NDUFAF7: variants seen among roughly 807,000 people sequenced by gnomAD.
NDUFAF7 encodes the protein NADH:ubiquinone oxidoreductase complex assembly factor 7.
In NDUFAF7, 48 loss-of-function variants were observed where a neutral mutation model predicts 47.2. That is an observed-to-expected ratio of 1.02 (90% CI 0.81 to 1.29). The LOEUF (loss-of-function observed/expected upper bound fraction) is 1.29. Among genes scored for constraint, NDUFAF7 ranks in the 50% most tolerant of loss-of-function variants. The probability of loss-of-function intolerance (pLI) is 0.00; values close to 1 mark genes in which losing one functional copy is unlikely to be tolerated. For synonymous variants in NDUFAF7, 217 were observed against 190.0 expected, an observed-to-expected ratio of 1.14 and a Z score of -1.17; for missense variants, 635 against 537.6, an observed-to-expected ratio of 1.18 and a Z score of -1.79.
Position 37,232,254 on chromosome 2 carries a change from T to TA in NDUFAF7, c.206dup (p.Asn69LysfsTer11), listed in dbSNP as rs753131899. On this transcript the variant is annotated frameshift_variant, in exon 2 of 10. Coordinates refer to ENST00000002125, the MANE Select transcript of NDUFAF7 (RefSeq NM_144736.5). LOFTEE classifies it high-confidence loss of function. ...CCGAGTACATGAAGGAGGTGTTGAC[T>TA]AATCCAGCCAAGGTATGGGTCGGGT... 1 of 1,613,034 alleles carries TA rather than the reference T, an allele frequency of 6.2e-7. No individual in the cohort carries two copies. Among genetic ancestry groups the TA allele is most frequent in the African/African-American group, 1.3e-5 (1 of 75,008 alleles).
downstream of NDUFAF7, among the ~76,000 whole-genome samples, chr2:37,254,525 A>G (rs1048100193): frequency 3.3e-5 from 5 of 152,202 alleles, no homozygotes; most frequent in Non-Finnish European, 7.4e-5. Flanking sequence ...GTTAAAGTAT[A>G]TACTCTGGAA....
chr2:37,259,632 T>A, the NDUFAF7 span: 1 of 1,613,714 alleles, frequency 6.2e-7, no homozygotes, highest in South Asian at 1.1e-5. Flanking sequence ...TGGCTTTAAA[T>A]CACAGTGCAC....
chr2:37,270,351 G>GGA, the NDUFAF7 span, among the ~76,000 whole-genome samples: 1 of 140,842 alleles, frequency 7.1e-6, no homozygotes, highest in Admixed American at 7.0e-5. Context: ...TTGATTTTTG[G>GGA]AAAAAAAAAA....
At position 37,243,975 on chromosome 2, in the gene NDUFAF7, T is replaced by A; in HGVS notation, c.792+2T>A. 3 of 1,599,752 alleles carry A rather than the reference T, an allele frequency of 1.9e-6. No individual in the cohort carries two copies. In the South Asian group the frequency reaches 3.3e-5, roughly 18 times the overall value. Reference sequence around the variant, plus strand: ...ACCCCAGCAGAAGCCTTCATACAAGTAAGAATATGCTTTTTTAAGTTTCTT... The same window carrying A: ...ACCCCAGCAGAAGCCTTCATACAAGAAAGAATATGCTTTTTTAAGTTTCTT... On this transcript the variant is annotated splice_donor_variant, in intron 7 of 9. Coordinates refer to ENST00000002125, the MANE Select transcript of NDUFAF7 (RefSeq NM_144736.5). LOFTEE classifies it high-confidence loss of function.
At chr2:37,232,642 G>A (rs1284524798) in intron 2 of NDUFAF7, among the ~76,000 whole-genome samples, 1 of 152,146 alleles carries the variant, frequency 6.6e-6, no homozygotes, top group Non-Finnish European at 1.5e-5. Flanking sequence ...TGAAGTGTGT[G>A]GGACTCTTAG....
downstream of NDUFAF7, chr2:37,254,289 G>C: frequency 6.2e-7 from 1 of 1,611,364 alleles, no homozygotes; most frequent in Non-Finnish European, 8.5e-7. Context: ...CAGATCAATT[G>C]CTAAGGGAAA....
rs1467825129 is a variant in NDUFAF7 at position 37,231,705 on chromosome 2, C to T, written c.-1C>T. The T allele has an allele frequency of 1.9e-6, 3 of 1,614,128 alleles. No individual in the cohort carries two copies. Among genetic ancestry groups the T allele is most frequent in the Non-Finnish European group, 8.5e-7 (1 of 1,180,040 alleles). On this transcript the variant is annotated 5_prime_UTR_variant, in exon 1 of 10. Transcript: ENST00000002125. ...GAGCGAGCTAGCCTGCGAATTTCAG[C>T]ATGAGTGTACTGCTGAGGTCAGGTT... is the stretch of plus-strand genomic sequence containing the variant.
chr2:37,254,424 T>C (rs1225596440), downstream of NDUFAF7: 2 of 646,908 alleles, frequency 3.1e-6, no homozygotes, highest in African/African-American at 1.8e-5. Context: ...CGTGGACTTT[T>C]AGCTAACATG....
chr2:37,257,739 T>C (rs1668096149), downstream of NDUFAF7, among the ~76,000 whole-genome samples: 1 of 149,204 alleles, frequency 6.7e-6, no homozygotes, highest in Non-Finnish European at 1.5e-5. Flanking sequence ...AATCCTAGAA[T>C]CTCTTTTCCT....
intron 4 of NDUFAF7, among the ~76,000 whole-genome samples, chr2:37,239,406 C>A (rs1666129895): frequency 6.6e-6 from 1 of 152,026 alleles, no homozygotes; most frequent in South Asian, 2.1e-4. Flanking sequence ...GGCATGAGCC[C>A]CCGTACCCAG....
At chr2:37,254,149 T>C (rs1456952502), downstream of NDUFAF7, 4 of 1,333,846 alleles carry the variant, frequency 3.0e-6, no homozygotes, top group Admixed American at 3.4e-5. Context: ...GTGGGACAAA[T>C]CAGAGTGAAC....
At chr2:37,262,706 C>T in the NDUFAF7 span, among the ~76,000 whole-genome samples, 905 of 152,240 alleles carry the variant, frequency 5.9e-3, 9 homozygotes, top group African/African-American at 0.019. Flanking sequence ...TTTAAAAACA[C>T]GTGGACACAC....
At chr2:37,263,011 TTTGGCTTTATTATTTC>T in the NDUFAF7 span, among the ~76,000 whole-genome samples, 1 of 152,008 alleles carries the variant, frequency 6.6e-6, no homozygotes, top group African/African-American at 2.4e-5. Context: ...CAAACCAGCT[TTTGGCTTTATTATTTC>T]TTTTCTGTAT....
Position 37,247,469 on chromosome 2 carries a change from A to C in NDUFAF7, c.950A>C (p.His317Pro). Reference protein sequence around the residue: ...KTDTFRGFCDHKLHDVLIAPG... With the variant: ...KTDTFRGFCDPKLHDVLIAPG... ...TTTATGTTCAAGGGGTTTTGCGACC[A>C]CAAGCTTCATGATGTCTTAATTGCC... is the stretch of plus-strand genomic sequence containing the variant. The change falls in exon 9 of 10, where the codon CAC (histidine) becomes CCC (proline). Residue 317 changes from histidine (H) to proline (P), a missense_variant. By Grantham distance (77) the His-to-Pro change is moderately conservative (BLOSUM62 -2). Transcript: ENST00000002125. 6.2e-7 allele frequency: 1 copy of C among 1,614,032 alleles called. No individual in the cohort carries two copies. Among genetic ancestry groups the C allele is most frequent in the Non-Finnish European group, 8.5e-7 (1 of 1,179,942 alleles).
rs151029817 is a variant in NDUFAF7 at position 37,247,055 on chromosome 2, C to CT, written c.937-400dup. 5.1e-3 allele frequency among the ~76,000 whole-genome samples: 779 copies of CT among 152,252 alleles called. 8 individuals are homozygous for CT. The highest frequency in any genetic ancestry group is 0.018 in the African/African-American group (754 of 41,556). ...TCAGCCCTTGTTCCCCTCCTCCTGTCTCCCCTCTAGTAGTCACCAGTGTTT... is the reference window on the plus strand; with the variant it reads ...TCAGCCCTTGTTCCCCTCCTCCTGTCTTCCCCTCTAGTAGTCACCAGTGTTT... On this transcript the variant is annotated intron_variant, in intron 8 of 9. Coordinates refer to ENST00000002125, the MANE Select transcript of NDUFAF7 (RefSeq NM_144736.5).
chr2:37,246,170 A>G lies in NDUFAF7; in HGVS notation c.911A>G (p.Asp304Gly). 3.1e-6 allele frequency: 5 copies of G among 1,613,894 alleles called. No individual in the cohort carries two copies. In the South Asian group the frequency reaches 4.4e-5, roughly 14 times the overall value. Residue 304 changes from aspartate to glycine, a missense_variant, in exon 8 of 10, where the codon GAT (aspartate) becomes GGT (glycine). Transcript: ENST00000002125. ...GAALVADYGH[D>G]GTKTDTFRGF... Reference sequence around the variant, plus strand: ...GCACTGGTTGCTGATTATGGTCATGATGGAACAAAGACAGATACCTTCAGA... The same window carrying G: ...GCACTGGTTGCTGATTATGGTCATGGTGGAACAAAGACAGATACCTTCAGA...
intron 4 of NDUFAF7, among the ~76,000 whole-genome samples, chr2:37,241,268 C>T (rs1237845489): frequency 6.6e-6 from 1 of 152,078 alleles, no homozygotes; most frequent in East Asian, 1.9e-4. Context: ...ATTTTATTTC[C>T]TTGGTCTTTT....
At chr2:37,253,477 A>C, downstream of NDUFAF7, 1 of 716,056 alleles carries the variant, frequency 1.4e-6, no homozygotes, top group South Asian at 2.2e-5. Context: ...CGCTACTCAT[A>C]AGTATCTACT....
At chr2:37,234,795 G>A (rs1368541786) in intron 2 of NDUFAF7, among the ~76,000 whole-genome samples, 2 of 152,156 alleles carry the variant, frequency 1.3e-5, no homozygotes, top group Admixed American at 6.5e-5. Flanking sequence ...AGAGGAGAAG[G>A]GGAAGGCATT....
Sources: allele counts gnomAD v4.1 joint callset (sites outside exome capture counted in the v4.1 genomes callset), GRCh38; gene constraint gnomAD v4.1.1; transcripts MANE v1.5; gene names NCBI Gene and HGNC (gene_info 2026-07-23, HGNC 2026-07-21).